Variants in ARFGEF2 observed in about 807,000 individuals in gnomAD.
ARFGEF2 encodes ARF guanine nucleotide exchange factor 2.
In ARFGEF2, 74 loss-of-function variants were observed where a neutral mutation model predicts 219.9. That is an observed-to-expected ratio of 0.34 (90% CI 0.28 to 0.41). ARFGEF2 has a LOEUF of 0.41. ARFGEF2 is among the 10% of genes least tolerant of loss of function. The probability of loss-of-function intolerance (pLI) is 1.00; values close to 1 mark genes in which losing one functional copy is unlikely to be tolerated. For synonymous variants in ARFGEF2, 733 were observed against 799.2 expected (o/e 0.92, Z 1.40); for missense variants, 1,743 against 2,218.3 (o/e 0.79, Z 4.30).
chr20:48,954,010 G>A (rs2091090464), intron 6 of ARFGEF2, among the ~76,000 whole-genome samples: 1 of 152,172 alleles, frequency 6.6e-6, no homozygotes, highest in Admixed American at 6.5e-5. Flanking sequence ...AATAGTACTG[G>A]GATGTATCTA....
intron 26 of ARFGEF2, among the ~76,000 whole-genome samples, chr20:49,009,711 A>G (rs188213447): frequency 9.5e-4 from 144 of 152,298 alleles, no homozygotes; most frequent in Admixed American, 2.7e-3. Flanking sequence ...ATATATGTAT[A>G]CTCCAATCCA....
At position 48,984,943 on chromosome 20, in the gene ARFGEF2, GTTGTCCACCCCCGGGTTATACATTGTCTA is replaced by G. The variant is rs1413033385; in HGVS notation, c.2070+122_2070+150del. The G allele has an allele frequency of 3.9e-4, 620 of 1,584,560 alleles. 1 individual carries two copies. In the African/African-American group the frequency reaches 6.9e-3, roughly 18 times the overall value. ...TTGTCTGGCCCTAAGTACATTGTCT[GTTGTCCACCCCCGGGTTATACATTGTCTA>G]TTGTCCACCCCCGGGTTACAGCAGT... On this transcript the variant is annotated intron_variant, in intron 15 of 38. Coordinates refer to ENST00000371917, the MANE Select transcript of ARFGEF2 (RefSeq NM_006420.3).
chr20:49,032,234 A>T (rs1600565490), intron 38 of ARFGEF2, 68 bp downstream of exon 38: 2 of 1,077,424 alleles, frequency 1.9e-6, no homozygotes, highest in South Asian at 2.5e-5. Context: ...TTTACTCAAG[A>T]GTTTGCAGTA....
intron 30 of ARFGEF2, among the ~76,000 whole-genome samples, chr20:49,015,086 T>C (rs1045440977): frequency 5.9e-5 from 9 of 152,182 alleles, no homozygotes; most frequent in Admixed American, 5.2e-4. Context: ...TAACTTTTCT[T>C]CTAGAATGTT....
At chr20:48,964,116 A>C (rs1245900131) in intron 7 of ARFGEF2, among the ~76,000 whole-genome samples, 1 of 152,172 alleles carries the variant, frequency 6.6e-6, no homozygotes, top group Non-Finnish European at 1.5e-5. Context: ...GGGTTTAGGA[A>C]ACATAGTCTG....
At chr20:49,016,054 AT>A (rs1231432726) in intron 30 of ARFGEF2, among the ~76,000 whole-genome samples, 1 of 152,026 alleles carries the variant, frequency 6.6e-6, no homozygotes, top group East Asian at 1.9e-4. Flanking sequence ...TTTTTTATTT[AT>A]TTTTTTATTC....
At chr20:49,010,824 G>C (rs2091493189) in intron 27 of ARFGEF2, among the ~76,000 whole-genome samples, 1 of 152,198 alleles carries the variant, frequency 6.6e-6, no homozygotes, top group South Asian at 2.1e-4. Context: ...TGCTTTTGTG[G>C]TCATTTGCCA....
chr20:48,963,223 T>TA (rs2123392669), intron 6 of ARFGEF2, among the ~76,000 whole-genome samples: 1 of 150,980 alleles, frequency 6.6e-6, no homozygotes, highest in East Asian at 1.9e-4. Flanking sequence ...GGTCAAGAAC[T>TA]GTTTACTTTA....
intron 6 of ARFGEF2, among the ~76,000 whole-genome samples, chr20:48,958,363 A>G (rs2091117749): frequency 6.6e-6 from 1 of 152,156 alleles, no homozygotes; most frequent in Admixed American, 6.5e-5. Flanking sequence ...CGGACCAGGC[A>G]TGCAGGCTCC....
At chr20:48,997,956 CA>C (rs1201401099) in intron 23 of ARFGEF2, 1 of 508,772 alleles carries the variant, frequency 2.0e-6, no homozygotes, top group Non-Finnish European at 3.6e-6. Context: ...CTCCCGAGTT[CA>C]AGCGAATCTT....
At chr20:49,011,106 T>C (rs1414287192) in intron 27 of ARFGEF2, among the ~76,000 whole-genome samples, 1 of 152,192 alleles carries the variant, frequency 6.6e-6, no homozygotes, top group Non-Finnish European at 1.5e-5. Context: ...GGAAAAAATA[T>C]GTGTGTTAGA....
intron 6 of ARFGEF2, among the ~76,000 whole-genome samples, chr20:48,956,972 G>A (rs558467041): frequency 1.3e-5 from 2 of 152,254 alleles, no homozygotes; most frequent in African/African-American, 4.8e-5. Context: ...GAATCTTACC[G>A]CCCCACCATC....
intron 14 of ARFGEF2, among the ~76,000 whole-genome samples, chr20:48,979,371 G>A (rs1748005875): frequency 6.6e-6 from 1 of 152,184 alleles, no homozygotes; most frequent in South Asian, 2.1e-4. Context: ...GCTGGATTCG[G>A]TTTGCCAGTA....
At chr20:49,014,651 C>T (rs182536848) in intron 30 of ARFGEF2, among the ~76,000 whole-genome samples, 14 of 152,246 alleles carry the variant, frequency 9.2e-5, no homozygotes, top group Admixed American at 8.5e-4. Flanking sequence ...GGAGGCCAGG[C>T]ACAATGGCTC....
chr20:49,027,397 A>T (rs568347644), intron 36 of ARFGEF2, among the ~76,000 whole-genome samples: 2 of 152,134 alleles, frequency 1.3e-5, no homozygotes, highest in Non-Finnish European at 2.9e-5. Context: ...CCAATAAGCA[A>T]AGTCTAAATG....
rs766756267 is a variant in ARFGEF2, at chr20:49,023,141, C to T, written c.4715C>T (p.Thr1572Met). Reference sequence around the variant, plus strand: ...GACAACATTGTGTTCTACCCTGCGACGAGCAAAAAGGAGGATGCAGAGCAC... The same window carrying T: ...GACAACATTGTGTTCTACCCTGCGATGAGCAAAAAGGAGGATGCAGAGCAC... ...TIDNIVFYPATSKKEDAEHMV... is the reference protein window; with the variant it reads ...TIDNIVFYPAMSKKEDAEHMV... The change falls in exon 35 of 39, where the codon ACG (threonine) becomes ATG (methionine). Residue 1572 changes from threonine (T) to methionine (M), a missense_variant. By Grantham distance (81) the Thr-to-Met change is moderately conservative. Coordinates refer to ENST00000371917, the MANE Select transcript of ARFGEF2 (RefSeq NM_006420.3). 40 of 1,614,134 alleles carry T rather than the reference C, an allele frequency of 2.5e-5. No individual in the cohort carries two copies. The highest frequency in any genetic ancestry group is 2.9e-5 in the Non-Finnish European group (34 of 1,180,022).
chr20:48,995,664 A>G (rs1174775229), intron 22 of ARFGEF2, 119 bp from the exon 23 acceptor site: 1 of 901,760 alleles, frequency 1.1e-6, no homozygotes, highest in African/African-American at 1.6e-5. Context: ...TTCTTTTTTG[A>G]ACTTGCAGAG....
chr20:48,956,901 A>G (rs1164684935), intron 6 of ARFGEF2, among the ~76,000 whole-genome samples: 1 of 152,164 alleles, frequency 6.6e-6, no homozygotes, highest in Admixed American at 6.5e-5. Context: ...TTTAGACAGC[A>G]ATATGTTCCA....
intron 25 of ARFGEF2, among the ~76,000 whole-genome samples, chr20:49,004,430 A>AT (rs1482423738): frequency 6.6e-6 from 1 of 152,008 alleles, no homozygotes; most frequent in African/African-American, 2.4e-5. Context: ...AAGATGGTAG[A>AT]TTTTATGTTA....
Sources: allele counts gnomAD v4.1 joint callset (sites outside exome capture counted in the v4.1 genomes callset), GRCh38; gene constraint gnomAD v4.1.1; transcripts MANE v1.5; gene names NCBI Gene and HGNC (gene_info 2026-07-23, HGNC 2026-07-21).